The following RASAL2 variants were observed in gnomAD, a reference collection of about 807,000 sequenced individuals.
RASAL2 encodes the protein RAS protein activator like 2.
A neutral mutation model predicts 128.9 loss-of-function variants in RASAL2; 58 were observed. That is an observed-to-expected ratio of 0.45 (90% CI 0.36 to 0.56). The LOEUF (loss-of-function observed/expected upper bound fraction) is 0.56, where lower values mean the gene tolerates loss of function less well. Among genes scored for constraint, RASAL2 ranks in the 20% least tolerant of loss-of-function variants. The probability of loss-of-function intolerance (pLI) is 0.00; values close to 1 mark genes in which losing one functional copy is unlikely to be tolerated. For synonymous variants in RASAL2, 561 were observed against 580.8 expected, an observed-to-expected ratio of 0.97 and a Z score of 0.49; for missense variants, 1,360 against 1,601.6, an observed-to-expected ratio of 0.85 and a Z score of 2.57.
intron 4 of RASAL2, among the ~76,000 whole-genome samples, chr1:178,393,432 A>G (rs1673029773): frequency 6.6e-6 from 1 of 152,156 alleles, no homozygotes; most frequent in African/African-American, 2.4e-5. Flanking sequence ...GCAGTTCACA[A>G]TAGGGTATGT....
chr1:178,131,325 G>C (rs1660106816), intron 1 of RASAL2, among the ~76,000 whole-genome samples: 1 of 147,952 alleles, frequency 6.8e-6, no homozygotes, highest in Non-Finnish European at 1.5e-5. Flanking sequence ...TCCTGCCTCA[G>C]CCTCCTGAGT....
In RASAL2 at chr1:178,098,427, C is replaced by G. The variant is rs955828450; in HGVS notation, c.202+3733C>G. ...AAGTCAATTGGCTGAAAAAGCTCAG[C>G]AGCATAGCGAAAGGAAACGGGAGTG... On this transcript the variant is annotated intron_variant, in intron 1 of 17. Transcript: ENST00000367649. Among the ~76,000 whole-genome samples, 20 of 152,316 alleles carry G rather than the reference C, an allele frequency of 1.3e-4. 1 individual carries two copies. Among genetic ancestry groups the G allele is most frequent in the African/African-American group, 4.8e-4 (20 of 41,572 alleles).
chr1:178,423,999 C>CA (rs1318343811), intron 5 of RASAL2, among the ~76,000 whole-genome samples: 2 of 151,988 alleles, frequency 1.3e-5, no homozygotes, highest in Non-Finnish European at 2.9e-5. Context: ...TCTGATATGT[C>CA]AGTCTTTTTG....
intron 1 of RASAL2, among the ~76,000 whole-genome samples, chr1:178,115,489 A>C (rs1394440275): frequency 6.6e-6 from 1 of 152,182 alleles, no homozygotes; most frequent in Non-Finnish European, 1.5e-5. Context: ...GGAGTTAACT[A>C]GGTAGTGGGA....
chr1:178,443,900 A>C (rs1327677953), intron 8 of RASAL2, among the ~76,000 whole-genome samples: 3 of 152,190 alleles, frequency 2.0e-5, no homozygotes, highest in Non-Finnish European at 2.9e-5. Context: ...TACTGTATGC[A>C]AACTGGTCAT....
chr1:178,115,547 G>T (rs1369624392), intron 1 of RASAL2, among the ~76,000 whole-genome samples: 1 of 152,228 alleles, frequency 6.6e-6, no homozygotes, highest in Non-Finnish European at 1.5e-5. Context: ...CACATGCAAA[G>T]GTTCTGGTGT....
intron 1 of RASAL2, among the ~76,000 whole-genome samples, chr1:178,251,241 C>T (rs565316551): frequency 6.6e-6 from 1 of 152,150 alleles, no homozygotes; most frequent in African/African-American, 2.4e-5. Flanking sequence ...ATGGAAAATG[C>T]TTTACATCTG....
At chr1:178,351,559 G>A (rs866069977) in intron 3 of RASAL2, among the ~76,000 whole-genome samples, 3 of 151,904 alleles carry the variant, frequency 2.0e-5, no homozygotes, top group African/African-American at 2.4e-5. Flanking sequence ...GTGAAACCCC[G>A]TCTCTACTAA....
chr1:178,403,736 T>A (rs1673796686), intron 4 of RASAL2, among the ~76,000 whole-genome samples: 1 of 152,158 alleles, frequency 6.6e-6, no homozygotes, highest in Admixed American at 6.5e-5. Context: ...GAAACATGGA[T>A]GAATTCTCTA....
intron 1 of RASAL2, among the ~76,000 whole-genome samples, chr1:178,177,202 A>G (rs1459234384): frequency 6.6e-6 from 1 of 152,192 alleles, no homozygotes; most frequent in African/African-American, 2.4e-5. Flanking sequence ...TTGGAGTTTA[A>G]TACTTTCGAA....
At chr1:178,408,883 A>G (rs1181015358) in intron 4 of RASAL2, among the ~76,000 whole-genome samples, 1 of 152,262 alleles carries the variant, frequency 6.6e-6, no homozygotes, top group East Asian at 1.9e-4. Context: ...TTTAGCATCT[A>G]TGTGACCTTG....
At chr1:178,346,609 A>G (rs1040529689) in intron 3 of RASAL2, among the ~76,000 whole-genome samples, 8 of 152,278 alleles carry the variant, frequency 5.3e-5, no homozygotes, top group Non-Finnish European at 8.8e-5. Flanking sequence ...TTAGTATGTT[A>G]AGTTTTATTT....
intron 2 of RASAL2, among the ~76,000 whole-genome samples, chr1:178,291,332 C>T (rs2102240116): frequency 1.3e-5 from 2 of 152,118 alleles, no homozygotes; most frequent in Middle Eastern, 6.8e-3. Flanking sequence ...ATGATCTGGA[C>T]CAGGGAAAGG....
At chr1:178,265,568 G>A (rs1406649978) in intron 1 of RASAL2, among the ~76,000 whole-genome samples, 1 of 152,188 alleles carries the variant, frequency 6.6e-6, no homozygotes. Flanking sequence ...TCATAGATGA[G>A]GAGATTGAGG....
intron 2 of RASAL2, among the ~76,000 whole-genome samples, chr1:178,295,506 G>A (rs748190525): frequency 5.9e-5 from 9 of 151,710 alleles, no homozygotes; most frequent in Non-Finnish European, 1.0e-4. Context: ...ATTATAAGTT[G>A]CAGCCAAGGT....
At position 178,101,599 on chromosome 1, in the gene RASAL2, G is replaced by A. The variant is rs192623029; in HGVS notation, c.202+6905G>A. 8.1e-3 allele frequency among the ~76,000 whole-genome samples: 1,227 copies of A among 152,194 alleles called. 19 individuals are homozygous for A. The highest frequency in any genetic ancestry group is 0.028 in the African/African-American group (1,147 of 41,528). ...CAACATAGATAAGATAACAAAATTC[G>A]GAAGAGTAGTCTGAAAAGTTAAAAT... On this transcript the variant is annotated intron_variant, in intron 1 of 17. Transcript: ENST00000367649.
chr1:178,407,224 C>T (rs1459153063), intron 4 of RASAL2, among the ~76,000 whole-genome samples: 1 of 152,228 alleles, frequency 6.6e-6, no homozygotes, highest in Non-Finnish European at 1.5e-5. Context: ...CATCTACAGT[C>T]TCCCTTCCTG....
In RASAL2 at chr1:178,384,677, C is replaced by A. The variant is rs1445473085; in HGVS notation, c.458-5423C>A. Among the ~76,000 whole-genome samples, 27 of 145,168 alleles carry A rather than the reference C, an allele frequency of 1.9e-4. 1 individual carries two copies. Among genetic ancestry groups the A allele is most frequent in the East Asian group, 2.0e-4 (1 of 5,014 alleles). ...AGTCCATGTCTCAAAAAAAAAAAAACACACACACACACACAAAAAAAAAAC... is the reference window on the plus strand; with the variant it reads ...AGTCCATGTCTCAAAAAAAAAAAAAAACACACACACACACAAAAAAAAAAC... On this transcript the variant is annotated intron_variant, in intron 3 of 17. Transcript: ENST00000367649.
At chr1:178,229,928 A>G (rs1558127306) in intron 1 of RASAL2, among the ~76,000 whole-genome samples, 1 of 152,202 alleles carries the variant, frequency 6.6e-6, no homozygotes, top group Non-Finnish European at 1.5e-5. Context: ...TCCATCACCA[A>G]AAGCTTCCTG....
Sources: gnomAD v4.1 joint callset for allele counts (sites outside exome capture counted in the v4.1 genomes callset) on GRCh38, gnomAD v4.1.1 for gene constraint, MANE v1.5 for transcripts, NCBI Gene and HGNC (gene_info 2026-07-23, HGNC 2026-07-21) for gene names.